The following MAGI2 variants were observed in gnomAD, a reference collection of about 807,000 sequenced individuals.
MAGI2 encodes membrane-associated guanylate kinase, WW and PDZ domain-containing protein 2.
A neutral mutation model predicts 133.3 loss-of-function variants in MAGI2; 35 were observed. That is an observed-to-expected ratio of 0.26 (90% CI 0.20 to 0.35). MAGI2 has a LOEUF of 0.35. Among genes scored for constraint, MAGI2 ranks in the 10% least tolerant of loss-of-function variants. MAGI2 has a pLI of 1.00. For synonymous variants in MAGI2, 729 were observed against 710.6 expected (o/e 1.03, Z -0.41); for missense variants, 1,636 against 1,863.4 (o/e 0.88, Z 2.25).
chr7:78,605,896 G>A (rs765255084), intron 3 of MAGI2, among the ~76,000 whole-genome samples: 90 of 152,166 alleles, frequency 5.9e-4, no homozygotes, highest in Non-Finnish European at 1.1e-3. Context: ...GATTAGATTC[G>A]GACACTAGAG....
chr7:78,551,144 T>C (rs1383033050), intron 3 of MAGI2, among the ~76,000 whole-genome samples: 1 of 152,238 alleles, frequency 6.6e-6, no homozygotes, highest in Non-Finnish European at 1.5e-5. Flanking sequence ...TCACTGTATC[T>C]TAACAATGCT....
Position 78,160,228 on chromosome 7 carries a change from G to A in MAGI2, c.2642C>T (p.Thr881Ile), listed in dbSNP as rs1489604554. ...ENGRSPGSVS[T>I]HHSSPRSDYA... ...GTCACTGCGTGGAGAGCTGTGGTGG[G>A]TGGATACAGAGCCTGGACTTCTCCC... The change falls in exon 16 of 22, where the codon ACC (threonine) becomes ATC (isoleucine). Residue 881 changes from threonine to isoleucine, a missense_variant. By Grantham distance (89) the Thr-to-Ile change is moderately conservative. Transcript: ENST00000354212. 1 of 1,610,388 alleles carries A rather than the reference G, an allele frequency of 6.2e-7. No homozygotes were observed. The highest frequency in any genetic ancestry group is 8.5e-7 in the Non-Finnish European group (1 of 1,178,042).
At chr7:78,717,552 G>A (rs923823692) in intron 2 of MAGI2, among the ~76,000 whole-genome samples, 2 of 152,112 alleles carry the variant, frequency 1.3e-5, no homozygotes, top group African/African-American at 2.4e-5. Context: ...AGGCTAGAGG[G>A]TGAAAATATC....
chr7:78,426,338 T>A (rs1420268876), intron 6 of MAGI2, among the ~76,000 whole-genome samples: 1 of 152,150 alleles, frequency 6.6e-6, no homozygotes, highest in African/African-American at 2.4e-5. Flanking sequence ...ATTATCATTC[T>A]CAGTAAACTA....
intron 20 of MAGI2, among the ~76,000 whole-genome samples, chr7:78,083,383 GGGGGGAGA>G (rs1563098710): frequency 1.7e-3 from 129 of 76,430 alleles, no homozygotes; most frequent in Non-Finnish European, 2.4e-3. Flanking sequence ...AGGGAGGGAG[GGGGGGAGA>G]GAGAGAGAGA....
Position 78,489,763 on chromosome 7 carries a change from T to C in MAGI2, c.1043A>G (p.Asn348Ser). ...ACCATAAAAACTTAATAACCTACCATTTTCTTTGCACTCTTCTGGAGGTTT... is the reference window on the plus strand; with the variant it reads ...ACCATAAAAACTTAATAACCTACCACTTTCTTTGCACTCTTCTGGAGGTTT... Reference protein sequence around the residue: ...KAKPPEECKENELPYGWEKID... With the variant: ...KAKPPEECKESELPYGWEKID... The change falls in exon 6 of 22, where the codon AAT becomes AGT. Residue 348 changes from asparagine (N) to serine (S), a missense_variant and splice_region_variant. Physicochemically the swap from Asn to Ser is conservative, Grantham distance 46 (BLOSUM62 1). Around this residue, in one of 5 missense-constraint regions of MAGI2, gnomAD observed 920 missense variants for 1,093.5 expected, o/e 0.84. Transcript: ENST00000354212. The C allele has an allele frequency of 1.9e-6, 3 of 1,610,264 alleles. No homozygotes were observed. In the South Asian group the frequency reaches 3.3e-5, roughly 18 times the overall value.
chr7:78,636,113 T>G (rs1317599100), intron 2 of MAGI2, among the ~76,000 whole-genome samples: 3 of 152,172 alleles, frequency 2.0e-5, no homozygotes, highest in Non-Finnish European at 4.4e-5. Flanking sequence ...ACTTATTAAG[T>G]ATAAAAATTA....
intron 2 of MAGI2, among the ~76,000 whole-genome samples, chr7:78,921,529 A>T (rs899220663): frequency 6.6e-6 from 1 of 152,122 alleles, no homozygotes; most frequent in Non-Finnish European, 1.5e-5. Flanking sequence ...CAATGCTTCA[A>T]TCAATAAAAT....
chr7:78,920,951 G>T (rs1048294799), intron 2 of MAGI2, among the ~76,000 whole-genome samples: 2 of 152,142 alleles, frequency 1.3e-5, no homozygotes, highest in African/African-American at 4.8e-5. Context: ...TTCTCCTTGT[G>T]AGGTGTACCT....
chr7:78,951,043 CT>C, intron 2 of MAGI2, among the ~76,000 whole-genome samples: 1 of 149,300 alleles, frequency 6.7e-6, no homozygotes, highest in Non-Finnish European at 1.5e-5. Context: ...GCGATCTCAG[CT>C]AACTGCACCT....
rs10675572 is a variant in MAGI2 at position 78,592,828 on chromosome 7, C to CTTTTTT, written c.538+34286_538+34291dup. On this transcript the variant is annotated intron_variant, in intron 3 of 21. Transcript: ENST00000354212. ...TGCCCTCCGAAAAATTACTGATTCT[C>CTTTTTT]TTTTTTTTTTTTTTTTTTTTTTTTG... 1.7e-3 allele frequency among the ~76,000 whole-genome samples: 178 copies of CTTTTTT among 106,814 alleles called. 4 individuals carry two copies. The highest frequency in any genetic ancestry group is 9.1e-3 in the Middle Eastern group (2 of 220). 70.1% of individuals were successfully genotyped at this position (106,814 alleles called of 152,430 possible). A position where few individuals can be genotyped will look rare whatever the true frequency, so the allele number is the denominator to read the frequency against.
chr7:78,592,418 C>T (rs546354750), intron 3 of MAGI2, among the ~76,000 whole-genome samples: 12 of 151,320 alleles, frequency 7.9e-5, no homozygotes, highest in Non-Finnish European at 1.5e-4. Context: ...GTCCCAACTG[C>T]TCTGCTCTCC....
chr7:78,411,764 T>C (rs747594492), intron 6 of MAGI2, among the ~76,000 whole-genome samples: 1 of 152,020 alleles, frequency 6.6e-6, no homozygotes, highest in Non-Finnish European at 1.5e-5. Flanking sequence ...GGGATGGAAA[T>C]AGTTCTTAAG....
chr7:78,911,840 C>A (rs1190871596), intron 2 of MAGI2, among the ~76,000 whole-genome samples: 1 of 151,818 alleles, frequency 6.6e-6, no homozygotes, highest in Non-Finnish European at 1.5e-5. Flanking sequence ...TTTTCTGTTC[C>A]TCTCTCTCCT....
chr7:78,481,119 A>C (rs192142131), intron 6 of MAGI2, among the ~76,000 whole-genome samples: 1 of 152,000 alleles, frequency 6.6e-6, no homozygotes, highest in Non-Finnish European at 1.5e-5. Flanking sequence ...AACAATTTTG[A>C]TAAGAGTAAA....
intron 1 of MAGI2, chr7:79,030,366 C>T (rs1280267566): frequency 6.6e-6 from 1 of 152,102 alleles, no homozygotes; most frequent in Non-Finnish European, 1.5e-5. Context: ...ACAATTTTGC[C>T]AAGATTTCTA....
At chr7:79,333,466 T>C (rs1038713365) in intron 1 of MAGI2, among the ~76,000 whole-genome samples, 13 of 152,188 alleles carry the variant, frequency 8.5e-5, no homozygotes, top group African/African-American at 1.2e-4. Context: ...CTTCAGTTCA[T>C]AAACAGCATA....
intron 3 of MAGI2, among the ~76,000 whole-genome samples, chr7:78,613,738 A>G (rs1360783213): frequency 2.0e-5 from 3 of 152,242 alleles, no homozygotes; most frequent in Non-Finnish European, 4.4e-5. Context: ...AGACAGGACT[A>G]TGAACATGAG....
intron 6 of MAGI2, among the ~76,000 whole-genome samples, chr7:78,376,441 T>C (rs1016545070): frequency 2.0e-5 from 3 of 152,110 alleles, no homozygotes; most frequent in Non-Finnish European, 4.4e-5. Context: ...CTGAGCTGTA[T>C]TCTACAGTGA....
Sources: gnomAD v4.1 joint callset for allele counts (sites outside exome capture counted in the v4.1 genomes callset) on GRCh38, gnomAD v4.1.1 for gene constraint, gnomAD v4.1.1 regional missense constraint, MANE v1.5 for transcripts, NCBI Gene and HGNC (gene_info 2026-07-23, HGNC 2026-07-21) for gene names.